Variants in ANO1 observed in about 807,000 individuals in gnomAD.
The protein encoded by ANO1 is anoctamin 1.
ANO1 carries 59 observed loss-of-function variants against 124.0 expected under a neutral mutation model. That is an observed-to-expected ratio of 0.48 (90% CI 0.39 to 0.59). The LOEUF (loss-of-function observed/expected upper bound fraction) is 0.59. Ranked by LOEUF, ANO1 falls within the 20% of genes least tolerant of loss-of-function variation. ANO1 has a pLI of 0.00. For synonymous variants in ANO1, 529 were observed against 532.0 expected (o/e 0.99, Z 0.08); for missense variants, 1,059 against 1,328.0 (o/e 0.80, Z 3.15).
At position 70,026,648 on chromosome 11, in the gene ANO1, A is replaced by C. The variant is rs79415119; in HGVS notation, c.58+40482A>C. On this transcript the variant is annotated intron_variant, in intron 1 of 27. Transcript: ENST00000531349. ...TGCCATCATTCAAGAGACCAGGGTC[A>C]CTTTCTCAAATTGATGAAACACACT... 0.019 allele frequency among the ~76,000 whole-genome samples: 2,914 copies of C among 152,248 alleles called. 195 individuals carry two copies. In the East Asian group the frequency reaches 0.22, roughly 11 times the overall value.
At chr11:69,967,758 C>A in the ANO1 span, among the ~76,000 whole-genome samples, 1 of 152,270 alleles carries the variant, frequency 6.6e-6, no homozygotes, top group South Asian at 2.1e-4. Flanking sequence ...CTGTGAGTAA[C>A]CCTGGATGTC....
chr11:70,173,164 G>A lies in ANO1; in HGVS notation c.2350+2125G>A, dbSNP rs144724266. The stretch of plus-strand genomic sequence containing the variant: ...CTTGTAGACTAAAAGAGATGAAATC[G>A]TCATTTTCACAGGTCAAAGACCATC... On this transcript the variant is annotated intron_variant, in intron 22 of 25. Transcript: ENST00000355303. Among the ~76,000 whole-genome samples, 398 of 152,238 alleles carry A rather than the reference G, an allele frequency of 2.6e-3. 4 individuals are homozygous for A. Among genetic ancestry groups the A allele is most frequent in the Non-Finnish European group, 2.4e-3 (161 of 68,026 alleles).
intron 11 of ANO1, among the ~76,000 whole-genome samples, chr11:70,147,965 C>T (rs1029096137): frequency 4.6e-5 from 7 of 152,088 alleles, no homozygotes; most frequent in African/African-American, 1.4e-4. Flanking sequence ...CTGGGGTCGG[C>T]GGGGGGTTCC....
chr11:70,119,717 G>A (rs1012764011), intron 8 of ANO1, among the ~76,000 whole-genome samples: 2 of 151,728 alleles, frequency 1.3e-5, no homozygotes, highest in African/African-American at 2.4e-5. Context: ...GGATGCCGGA[G>A]GGATGAATAG....
chr11:70,092,556 CT>C (rs1445402847), intron 2 of ANO1, among the ~76,000 whole-genome samples: 2 of 152,186 alleles, frequency 1.3e-5, no homozygotes, highest in Non-Finnish European at 2.9e-5. Context: ...TCCTGGGGGT[CT>C]TGTCAAAATG....
At chr11:70,094,251 G>A (rs1472009520) in intron 2 of ANO1, among the ~76,000 whole-genome samples, 1 of 152,208 alleles carries the variant, frequency 6.6e-6, no homozygotes, top group Admixed American at 6.5e-5. Context: ...CCCGCCGCCA[G>A]GTGACCAGGG....
At chr11:70,129,696 TCAATGCAACCTC>T (rs1429512590) in intron 10 of ANO1, 1 of 149,970 alleles carries the variant, frequency 6.7e-6, no homozygotes, top group East Asian at 2.1e-4. Flanking sequence ...TGATCTCGAC[TCAATGCAACCTC>T]CACCTCCCAG....
intron 18 of ANO1, 74 bp downstream of exon 18, chr11:70,161,807 T>A: frequency 2.8e-6 from 4 of 1,443,604 alleles, no homozygotes; most frequent in African/African-American, 1.4e-5. Flanking sequence ...CCCCACAGGT[T>A]GGGGGCACCT....
At chr11:70,031,980 C>T (rs912503475) in intron 1 of ANO1, among the ~76,000 whole-genome samples, 2 of 152,012 alleles carry the variant, frequency 1.3e-5, no homozygotes, top group Non-Finnish European at 2.9e-5. Context: ...ATCATTTACT[C>T]ACTGCTTCGT....
At chr11:70,042,689 G>A (rs1857202880) in intron 1 of ANO1, among the ~76,000 whole-genome samples, 7 of 152,186 alleles carry the variant, frequency 4.6e-5, no homozygotes, top group Admixed American at 4.6e-4. Flanking sequence ...GCACTTCTGA[G>A]GGCTTACAGA....
chr11:70,052,327 C>T (rs1492508), intron 1 of ANO1, among the ~76,000 whole-genome samples: 19,785 of 152,076 alleles, frequency 0.13, 1,723 homozygotes, highest in African/African-American at 0.22. Context: ...ATATGAATAT[C>T]AGATAATATA....
chr11:70,073,688 CAGG>C (rs752150582), upstream of ANO1, among the ~76,000 whole-genome samples: 11 of 152,112 alleles, frequency 7.2e-5, no homozygotes, highest in Non-Finnish European at 1.2e-4. Context: ...GTGGCCTAGC[CAGG>C]CTCTCAGCTA....
At chr11:70,050,364 C>T (rs1311554645) in intron 1 of ANO1, among the ~76,000 whole-genome samples, 1 of 152,166 alleles carries the variant, frequency 6.6e-6, no homozygotes, top group African/African-American at 2.4e-5. Flanking sequence ...AGTACAGGTG[C>T]AGGCCACGGC....
chr11:70,118,322 C>T (rs1265239387), intron 8 of ANO1, among the ~76,000 whole-genome samples: 1 of 152,080 alleles, frequency 6.6e-6, no homozygotes, highest in Non-Finnish European at 1.5e-5. Context: ...TTGAGAAATA[C>T]CTACTGGGCA....
chr11:70,019,271 C>A (rs1399106439), intron 1 of ANO1, among the ~76,000 whole-genome samples: 1 of 150,382 alleles, frequency 6.6e-6, no homozygotes, highest in Non-Finnish European at 1.5e-5. Flanking sequence ...ACATTCACTC[C>A]CCCGTCTATG....
upstream of ANO1, among the ~76,000 whole-genome samples, chr11:70,077,022 G>C (rs186370484): frequency 4.4e-4 from 66 of 151,694 alleles, 1 homozygote; most frequent in Admixed American, 3.9e-3. Context: ...GAAGGTGCCA[G>C]AGCTGGAGCT....
rs145758223 is a variant in ANO1, at chr11:70,042,157, C to T, written c.59-36385C>T. Among the ~76,000 whole-genome samples the T allele has an allele frequency of 8.1e-4, 123 of 152,234 alleles. 2 individuals carry two copies. In the East Asian group the frequency reaches 0.016, roughly 19 times the overall value. On this transcript the variant is annotated intron_variant, in intron 1 of 27. Transcript: ENST00000531349. ...CTGACCATAATGTAGTAACAGGGGT[C>T]AGACTTAATCTGTCCCTTCCCCAGC...
At position 70,103,180 on chromosome 11, in the gene ANO1, C is replaced by T; in HGVS notation, c.540+16C>T. The T allele has an allele frequency of 3.1e-6, 5 of 1,597,238 alleles. No individual in the cohort carries two copies. The highest frequency in any genetic ancestry group is 4.3e-6 in the Non-Finnish European group (5 of 1,170,880). On this transcript the variant is annotated intron_variant, in intron 3 of 25. Transcript: ENST00000355303. Reference sequence around the variant, plus strand: ...GACGAAGAAGGTTGGTGTTGATGGTCCTGCTCCGAAATGAATCGCCAAGTC... The same window carrying T: ...GACGAAGAAGGTTGGTGTTGATGGTTCTGCTCCGAAATGAATCGCCAAGTC...
chr11:69,987,591 CA>C (rs1464781432), intron 1 of ANO1, among the ~76,000 whole-genome samples: 4 of 123,358 alleles, frequency 3.2e-5, no homozygotes, highest in African/African-American at 6.9e-5. Context: ...GGTAACAGAG[CA>C]AGACCATGTC....
Sources: gnomAD v4.1 joint callset for allele counts (sites outside exome capture counted in the v4.1 genomes callset) on GRCh38, gnomAD v4.1.1 for gene constraint, MANE v1.5 for transcripts, NCBI Gene and HGNC (gene_info 2026-07-23, HGNC 2026-07-21) for gene names.